C6orf62: variants seen among roughly 807,000 people sequenced by gnomAD.
The protein encoded by C6orf62 is chromosome 6 open reading frame 62, also known as uncharacterized protein C6orf62.
Under a neutral mutation model 26.8 loss-of-function variants are expected in C6orf62, and 16 were observed. The ratio of observed to expected loss-of-function variants is 0.60; its 90% CI spans 0.40 to 0.91. C6orf62 has a LOEUF of 0.91. C6orf62 is among the 40% of genes least tolerant of loss of function. The pLI is 0.00. For synonymous variants in C6orf62, 112 were observed against 91.5 expected, an observed-to-expected ratio of 1.22 and a Z score of -1.28; for missense variants, 192 against 271.4, an observed-to-expected ratio of 0.71 and a Z score of 2.06.
chr6:24,710,166 G>A, intron 3 of C6orf62: 1 of 985,050 alleles, frequency 1.0e-6, no homozygotes, highest in Non-Finnish European at 1.2e-6. Context: ...GCCTTAAGGG[G>A]CTTATTATAC....
chr6:24,720,173 G>A (rs963118291), upstream of C6orf62: 38 of 1,357,968 alleles, frequency 2.8e-5, no homozygotes, highest in South Asian at 5.0e-4. Context: ...GGTGGGTGAC[G>A]GGGAAATCCC....
At chr6:24,718,505 C>G (rs1426832924) in intron 1 of C6orf62, 35 bp downstream of exon 1, 12 of 1,547,542 alleles carry the variant, frequency 7.8e-6, no homozygotes, top group African/African-American at 1.4e-5. Flanking sequence ...ACAAAAATTA[C>G]TTGTGCTAAT....
upstream of C6orf62, chr6:24,720,455 C>T: frequency 1.9e-6 from 2 of 1,064,804 alleles, no homozygotes; most frequent in African/African-American, 1.6e-5. Flanking sequence ...GGCTCGGCGC[C>T]CTGGGCGGCA....
chr6:24,707,859 A>G lies in C6orf62; in HGVS notation c.564+918T>C, dbSNP rs184961219. Among the ~76,000 whole-genome samples the G allele has an allele frequency of 1.2e-4, 18 of 152,026 alleles. No individual in the cohort carries two copies. The East Asian group carries it at 3.5e-3, about 30-fold the overall frequency. On this transcript the variant is annotated intron_variant, in intron 4 of 4. Transcript: ENST00000378119. ...TCTACTAAAATACAAAAAAAAAAAAAAATTAGCTGGGCGTGGTGGCGGGCA... is the reference window on the plus strand; with the variant it reads ...TCTACTAAAATACAAAAAAAAAAAAGAATTAGCTGGGCGTGGTGGCGGGCA...
At chr6:24,714,702 G>A (rs915382698) in intron 2 of C6orf62, among the ~76,000 whole-genome samples, 3 of 152,174 alleles carry the variant, frequency 2.0e-5, no homozygotes, top group Admixed American at 6.5e-5. Flanking sequence ...TGCAAATTCC[G>A]CCTACCAGGT....
At chr6:24,710,188 A>G (rs1581394979) in intron 3 of C6orf62, 2 of 985,296 alleles carry the variant, frequency 2.0e-6, no homozygotes, top group East Asian at 1.1e-4. Flanking sequence ...GCTGAAGAGG[A>G]CAAGTACAGC....
chr6:24,719,920 C>A, upstream of C6orf62: 1 of 1,537,542 alleles, frequency 6.5e-7, no homozygotes, highest in Non-Finnish European at 8.8e-7. Flanking sequence ...GGAAACAATT[C>A]CCGCCCGGGT....
At chr6:24,718,175 TCA>T (rs559809414) in intron 1 of C6orf62, among the ~76,000 whole-genome samples, 260 of 152,362 alleles carry the variant, frequency 1.7e-3, no homozygotes, top group Non-Finnish European at 3.2e-3. Flanking sequence ...GATTACAATT[TCA>T]CACTTTCAAC....
upstream of C6orf62, chr6:24,720,005 T>A: frequency 6.6e-7 from 1 of 1,521,886 alleles, no homozygotes; most frequent in Non-Finnish European, 8.8e-7. Flanking sequence ...ATATTACTTC[T>A]AAAGTAAGCC....
At chr6:24,720,233 G>A (rs892848152), upstream of C6orf62, 97 of 1,310,796 alleles carry the variant, frequency 7.4e-5, 1 homozygote, top group East Asian at 2.5e-3. Context: ...CTAGGGCGGG[G>A]TTTGGGCCCT....
chr6:24,718,826 G>T lies in C6orf62; in HGVS notation c.-158C>A. On this transcript the variant is annotated 5_prime_UTR_variant, in exon 1 of 5. Coordinates refer to ENST00000378119, the MANE Select transcript of C6orf62 (RefSeq NM_030939.5). ...CTATAACCCAAAAACTGCACCTTCTGTCAATATTAGCAGACTGTCATATTA... is the reference window on the plus strand; with the variant it reads ...CTATAACCCAAAAACTGCACCTTCTTTCAATATTAGCAGACTGTCATATTA... The T allele has an allele frequency of 6.7e-7, 1 of 1,489,220 alleles. No individual in the cohort carries two copies. Among genetic ancestry groups the T allele is most frequent in the Non-Finnish European group, 8.9e-7 (1 of 1,128,718 alleles). 92.3% of individuals were successfully genotyped at this position (1,489,220 alleles called of 1,614,324 possible). A position where few individuals can be genotyped will look rare whatever the true frequency, so the allele number is the denominator to read the frequency against.
chr6:24,705,690 T>A lies in C6orf62; in HGVS notation c.*447A>T, dbSNP rs548373908. ...CAGTGCTCTGGAACAACTGTGATTATAGCAAAGTTATTGTTTTTAAAAATG... is the reference window on the plus strand; with the variant it reads ...CAGTGCTCTGGAACAACTGTGATTAAAGCAAAGTTATTGTTTTTAAAAATG... On this transcript the variant is annotated 3_prime_UTR_variant, in exon 5 of 5. Transcript: ENST00000378119. 4 of 153,556 alleles carry A rather than the reference T, an allele frequency of 2.6e-5. No individual in the cohort carries two copies. The East Asian group carries it at 5.7e-4, about 22-fold the overall frequency. The allele number at this position is 153,556 out of a possible 1,614,324, so 9.5% of individuals were successfully genotyped here.
chr6:24,718,087 T>G (rs1430606851), intron 1 of C6orf62, among the ~76,000 whole-genome samples: 1 of 152,238 alleles, frequency 6.6e-6, no homozygotes, highest in African/African-American at 2.4e-5. Context: ...TGTATTCTAC[T>G]TCATTAAATG....
Position 24,719,067 on chromosome 6 carries a change from G to T in C6orf62, c.-399C>A. 2.0e-6 allele frequency: 2 copies of T among 1,000,494 alleles called. No individual in the cohort carries two copies. The highest frequency in any genetic ancestry group is 2.4e-6 in the Non-Finnish European group (2 of 842,202). 62.0% of individuals were successfully genotyped at this position (1,000,494 alleles called of 1,614,324 possible). On this transcript the variant is annotated 5_prime_UTR_variant, in exon 1 of 5. The change creates a new upstream start codon in the 5' untranslated region. Coordinates refer to ENST00000378119, the MANE Select transcript of C6orf62 (RefSeq NM_030939.5). ...GTGCAATAAAACACAGCTGACACCAGACCAATCCCTAAAATCCATCCGGAT... is the reference window on the plus strand; with the variant it reads ...GTGCAATAAAACACAGCTGACACCATACCAATCCCTAAAATCCATCCGGAT...
rs1779178814 is a variant in C6orf62, at chr6:24,714,203, T to A, written c.429+115A>T. 7.9e-6 allele frequency: 6 copies of A among 762,920 alleles called. No homozygotes were observed. In the Admixed American group the frequency reaches 1.8e-4, roughly 23 times the overall value. 47.3% of individuals were successfully genotyped at this position (762,920 alleles called of 1,614,324 possible). The stretch of plus-strand genomic sequence containing the variant: ...TCACAATATTCTAAATAGGGGAGAC[T>A]CGTGAAATAAAACTATCAGAAACCA... On this transcript the variant is annotated intron_variant, in intron 3 of 4. Coordinates refer to ENST00000378119, the MANE Select transcript of C6orf62 (RefSeq NM_030939.5).
intron 4 of C6orf62, 39 bp from the exon 5 acceptor site, chr6:24,706,301 G>C: frequency 6.2e-7 from 1 of 1,608,824 alleles, no homozygotes; most frequent in Non-Finnish European, 8.5e-7. Flanking sequence ...TTAAAAATAA[G>C]ACTTTAGCGT....
At chr6:24,718,486 T>C (rs924143456) in intron 1 of C6orf62, 54 bp downstream of exon 1, 6 of 1,492,068 alleles carry the variant, frequency 4.0e-6, no homozygotes, top group South Asian at 1.2e-5. Context: ...TAACAAATAA[T>C]ATACACTTAC....
At chr6:24,707,264 TCCAA>T (rs1351768112) in intron 4 of C6orf62, 1 of 152,192 alleles carries the variant, frequency 6.6e-6, no homozygotes, top group Non-Finnish European at 1.5e-5. Context: ...CAGTTACCTG[TCCAA>T]GATCATACAG....
chr6:24,712,988 G>C (rs1489902904), intron 3 of C6orf62, among the ~76,000 whole-genome samples: 2 of 152,110 alleles, frequency 1.3e-5, no homozygotes, highest in African/African-American at 4.8e-5. Flanking sequence ...TTCTATTCCT[G>C]TTTTCATGCC....
Sources: allele counts gnomAD v4.1 joint callset (sites outside exome capture counted in the v4.1 genomes callset), GRCh38; gene constraint gnomAD v4.1.1; transcripts MANE v1.5; gene names NCBI Gene and HGNC (gene_info 2026-07-23, HGNC 2026-07-21).